The following TFCP2L1 variants were observed in gnomAD, a reference collection of about 807,000 sequenced individuals.
TFCP2L1 encodes the protein transcription factor CP2 like 1, also known as transcription factor CP2-like protein 1.
TFCP2L1 carries 12 observed loss-of-function variants against 72.2 expected under a neutral mutation model. That is an observed-to-expected ratio of 0.17 (90% CI 0.11 to 0.27). TFCP2L1 has a LOEUF of 0.27. Among genes scored for constraint, TFCP2L1 ranks in the 10% least tolerant of loss-of-function variants. The pLI is 1.00. For synonymous variants in TFCP2L1, 260 were observed against 251.0 expected, an observed-to-expected ratio of 1.04 and a Z score of -0.34; for missense variants, 488 against 624.6, an observed-to-expected ratio of 0.78 and a Z score of 2.33.
Position 121,224,302 on chromosome 2 carries a change from G to A in TFCP2L1, c.*39C>T. 5.0e-6 allele frequency: 8 copies of A among 1,612,462 alleles called. No individual in the cohort carries two copies. Among genetic ancestry groups the A allele is most frequent in the Middle Eastern group, 1.7e-4 (1 of 5,976 alleles). Reference sequence around the variant, plus strand: ...ATGTCTACATCCACGGGGATCCACAGGGCTGGGAGCTGGAGACAGGTATGA... The same window carrying A: ...ATGTCTACATCCACGGGGATCCACAAGGCTGGGAGCTGGAGACAGGTATGA... On this transcript the variant is annotated 3_prime_UTR_variant, in exon 15 of 15. Transcript: ENST00000263707.
chr2:121,257,757 C>T (rs1383609129), intron 2 of TFCP2L1, among the ~76,000 whole-genome samples: 1 of 152,244 alleles, frequency 6.6e-6, no homozygotes, highest in Admixed American at 6.5e-5. Context: ...GAATGGGCAG[C>T]GCTGTAATTC....
Position 121,242,388 on chromosome 2 carries a change from G to C in TFCP2L1, c.739C>G (p.Pro247Ala), listed in dbSNP as rs149784174. 1.9e-4 allele frequency: 307 copies of C among 1,614,066 alleles called. 1 individual carries two copies. Among genetic ancestry groups the C allele is most frequent in the Non-Finnish European group, 2.5e-4 (299 of 1,180,040 alleles). Reference protein sequence around the residue: ...RTAQEKEKYQPSYETTILTEC... With the variant: ...RTAQEKEKYQASYETTILTEC... Reference sequence around the variant, plus strand: ...GTGAGGATGGTGGTTTCATAGGACGGCTGGTATTTCTCCTTCTCTTGGGCA... The same window carrying C: ...GTGAGGATGGTGGTTTCATAGGACGCCTGGTATTTCTCCTTCTCTTGGGCA... The change falls in exon 7 of 15, where the codon CCG (proline) becomes GCG (alanine). Residue 247 changes from proline to alanine, a missense_variant. Pro to Ala is a conservative substitution (Grantham distance 27). Coordinates refer to ENST00000263707, the MANE Select transcript of TFCP2L1 (RefSeq NM_014553.3).
chr2:121,239,594 T>C lies in TFCP2L1; in HGVS notation c.824A>G (p.Tyr275Cys). Residue 275 changes from tyrosine (Y) to cysteine (C), a missense_variant, in exon 8 of 15, where the codon TAC (tyrosine) becomes TGC (cysteine). This residue lies in a region of TFCP2L1 where 286 missense variants were observed against 329.0 expected (regional missense o/e 0.87). Coordinates refer to ENST00000263707, the MANE Select transcript of TFCP2L1 (RefSeq NM_014553.3). Reference protein sequence around the residue: ...YQVNSAPSPSYNGSPNSFGLG... With the variant: ...YQVNSAPSPSCNGSPNSFGLG... The stretch of plus-strand genomic sequence containing the variant: ...GCCAAAGCTGTTTGGAGAACCATTG[T>C]AGCTTGGGGACGGGGCGCTGTTCAC... 11 of 1,614,156 alleles carry C rather than the reference T, an allele frequency of 6.8e-6. No individual in the cohort carries two copies. Among genetic ancestry groups the C allele is most frequent in the Non-Finnish European group, 9.3e-6 (11 of 1,180,014 alleles).
At chr2:121,273,670 T>G (rs1465020022) in intron 2 of TFCP2L1, among the ~76,000 whole-genome samples, 2 of 152,198 alleles carry the variant, frequency 1.3e-5, no homozygotes, top group Non-Finnish European at 2.9e-5. Flanking sequence ...CAGCATCTTT[T>G]CCATGTTTTC....
At chr2:121,270,405 T>G (rs1687022544) in intron 2 of TFCP2L1, among the ~76,000 whole-genome samples, 1 of 152,196 alleles carries the variant, frequency 6.6e-6, no homozygotes, top group African/African-American at 2.4e-5. Flanking sequence ...TGGCACAACT[T>G]CACTGGAAGG....
In TFCP2L1 at chr2:121,223,412, G is replaced by A. The variant is rs1234519709; in HGVS notation, c.*929C>T. 6.6e-6 allele frequency: 1 copy of A among 152,198 alleles called. No individual in the cohort carries two copies. The highest frequency in any genetic ancestry group is 1.5e-5 in the Non-Finnish European group (1 of 68,044). The allele number at this position is 152,198 out of a possible 1,614,324, so 9.4% of individuals were successfully genotyped here. ...AGAAAACACATCGCTCCTGTGGCAA[G>A]TTTAGCAGCGGTTCAACAAGGTCTT... On this transcript the variant is annotated 3_prime_UTR_variant, in exon 15 of 15. Transcript: ENST00000263707.
chr2:121,225,787 G>A (rs577631199), intron 13 of TFCP2L1, among the ~76,000 whole-genome samples, 174 bp from the exon 14 acceptor site: 19 of 148,018 alleles, frequency 1.3e-4, no homozygotes, highest in Admixed American at 8.7e-4. Context: ...CCACACACAC[G>A]GGAACACGGT....
At chr2:121,275,482 G>A (rs905582146) in intron 2 of TFCP2L1, among the ~76,000 whole-genome samples, 2 of 141,918 alleles carry the variant, frequency 1.4e-5, no homozygotes, top group South Asian at 2.2e-4. Flanking sequence ...GTTATTACAA[G>A]AACAGTATTT....
In TFCP2L1 at chr2:121,223,955, A is replaced by G. The variant is rs1685973310; in HGVS notation, c.*386T>C. Reference sequence around the variant, plus strand: ...CAGGGTGAAGCAGAGCTTTCTCTGGAGGCAGGAGAGTGGTCAGAAGGGACC... The same window carrying G: ...CAGGGTGAAGCAGAGCTTTCTCTGGGGGCAGGAGAGTGGTCAGAAGGGACC... On this transcript the variant is annotated 3_prime_UTR_variant, in exon 15 of 15. Transcript: ENST00000263707. The G allele has an allele frequency of 5.0e-6, 1 of 200,004 alleles. No homozygotes were observed. The highest frequency in any genetic ancestry group is 1.2e-4 in the South Asian group (1 of 8,140). The allele number at this position is 200,004 out of a possible 1,614,324, so 12.4% of individuals were successfully genotyped here.
At position 121,248,181 on chromosome 2, in the gene TFCP2L1, C is replaced by T. The variant is rs772929648; in HGVS notation, c.487G>A (p.Ala163Thr). The T allele has an allele frequency of 1.9e-6, 3 of 1,613,812 alleles. No homozygotes were observed. The highest frequency in any genetic ancestry group is 3.3e-5 in the Admixed American group (2 of 59,988). Reference sequence around the variant, plus strand: ...TGGCCCACCTGAATGAATGCAGAAGCTCTCTTCGCAGGGTCCCACAAAAAC... The same window carrying T: ...TGGCCCACCTGAATGAATGCAGAAGTTCTCTTCGCAGGGTCCCACAAAAAC... Reference protein sequence around the residue: ...VEFLWDPAKRASAFIQVHCIS... With the variant: ...VEFLWDPAKRTSAFIQVHCIS... The change falls in exon 5 of 15, where the codon GCT becomes ACT. Residue 163 changes from alanine to threonine, a missense_variant. Physicochemically the swap from Ala to Thr is moderately conservative, Grantham distance 58. This residue lies in a region of TFCP2L1 where 129 missense variants were observed against 236.0 expected (regional missense o/e 0.55). Coordinates refer to ENST00000263707, the MANE Select transcript of TFCP2L1 (RefSeq NM_014553.3).
In TFCP2L1 at chr2:121,224,404, C is replaced by A; in HGVS notation, c.1394-17G>T. On this transcript the variant is annotated splice_polypyrimidine_tract_variant and intron_variant, in intron 14 of 14. Coordinates refer to ENST00000263707, the MANE Select transcript of TFCP2L1 (RefSeq NM_014553.3). ...TGCTCTCAGCTGCAAGAGAGAAACA[C>A]TGGGTGTATTTCACAGGAAAAAAGG... is the stretch of plus-strand genomic sequence containing the variant. The A allele has an allele frequency of 6.2e-7, 1 of 1,613,326 alleles. No individual in the cohort carries two copies. The highest frequency in any genetic ancestry group is 8.5e-7 in the Non-Finnish European group (1 of 1,179,762).
At chr2:121,225,455 CA>C in intron 14 of TFCP2L1, 106 bp downstream of exon 14, 1 of 1,107,446 alleles carries the variant, frequency 9.0e-7, no homozygotes, top group Non-Finnish European at 1.3e-6. Flanking sequence ...TTCTTTTTCT[CA>C]AAGGCTTTTC....
intron 5 of TFCP2L1, 32 bp downstream of exon 5, chr2:121,248,132 T>C (rs1432503334): frequency 6.2e-7 from 1 of 1,601,586 alleles, no homozygotes; most frequent in Non-Finnish European, 8.5e-7. Flanking sequence ...AGACTAGGTC[T>C]TCCCCTGGAG....
chr2:121,259,599 T>C (rs1251026492), intron 2 of TFCP2L1, among the ~76,000 whole-genome samples: 1 of 152,200 alleles, frequency 6.6e-6, no homozygotes, highest in Non-Finnish European at 1.5e-5. Flanking sequence ...TAAAAAATAA[T>C]TTTAAAATTA....
chr2:121,240,835 G>A, intron 7 of TFCP2L1: 1 of 756,924 alleles, frequency 1.3e-6, no homozygotes, highest in Non-Finnish European at 1.6e-6. Flanking sequence ...TGCGGGCCGT[G>A]GGGGAGGCAG....
chr2:121,233,336 G>A (rs1165898495), intron 12 of TFCP2L1, among the ~76,000 whole-genome samples: 1 of 152,164 alleles, frequency 6.6e-6, no homozygotes, highest in Non-Finnish European at 1.5e-5. Flanking sequence ...GATTACAGGT[G>A]TGACCATGCA....
rs949884552 is a variant in TFCP2L1, at chr2:121,217,865, C to A, written c.*6476G>T. On this transcript the variant is annotated 3_prime_UTR_variant, in exon 15 of 15. Coordinates refer to ENST00000263707, the MANE Select transcript of TFCP2L1 (RefSeq NM_014553.3). ...AGCAAAGGGCTCTGCATTCCCACCACGAGGCGGGGTGGACTCTGCAGGAGC... is the reference window on the plus strand; with the variant it reads ...AGCAAAGGGCTCTGCATTCCCACCAAGAGGCGGGGTGGACTCTGCAGGAGC... The A allele has an allele frequency of 6.6e-6, 1 of 152,292 alleles. No individual in the cohort carries two copies. 9.4% of individuals were successfully genotyped at this position (152,292 alleles called of 1,614,324 possible).
intron 6 of TFCP2L1, among the ~76,000 whole-genome samples, chr2:121,245,407 T>C (rs1686460701): frequency 2.0e-5 from 3 of 152,164 alleles, no homozygotes; most frequent in Admixed American, 6.5e-5. Context: ...AGTCATAAAA[T>C]TTGTGGCCAT....
At position 121,222,968 on chromosome 2, in the gene TFCP2L1, T is replaced by C. The variant is rs1035186062; in HGVS notation, c.*1373A>G. ...GGTTTATATGATAAATTTATATCGC[T>C]ACCCTATCACTATGTGCTACCATGC... On this transcript the variant is annotated 3_prime_UTR_variant, in exon 15 of 15. Transcript: ENST00000263707. The C allele has an allele frequency of 6.6e-6, 1 of 152,238 alleles. No homozygotes were observed. The highest frequency in any genetic ancestry group is 2.4e-5 in the African/African-American group (1 of 41,470). The allele number at this position is 152,238 out of a possible 1,614,324, so 9.4% of individuals were successfully genotyped here.
Sources: allele counts gnomAD v4.1 joint callset (sites outside exome capture counted in the v4.1 genomes callset), GRCh38; gene constraint gnomAD v4.1.1; regional missense constraint gnomAD v4.1.1; transcripts MANE v1.5; gene names NCBI Gene and HGNC (gene_info 2026-07-23, HGNC 2026-07-21).